The following PKHD1L1 variants were observed in gnomAD, a reference collection of about 807,000 sequenced individuals.
The protein encoded by PKHD1L1 is PKHD1 like 1.
Under a neutral mutation model 462.9 loss-of-function variants are expected in PKHD1L1, and 434 were observed. The observed-to-expected ratio is 0.94, with a 90% confidence interval of 0.87 to 1.02. PKHD1L1 has a LOEUF of 1.02. PKHD1L1 is among the 50% of genes least tolerant of loss of function. The pLI is 0.00. For synonymous variants in PKHD1L1, 1,781 were observed against 1,750.0 expected, an observed-to-expected ratio of 1.02 and a Z score of -0.44; for missense variants, 5,202 against 5,096.1, an observed-to-expected ratio of 1.02 and a Z score of -0.63.
At chr8:109,442,316 A>G (rs1166858728) in intron 35 of PKHD1L1, 121 bp downstream of exon 35, 3 of 983,668 alleles carry the variant, frequency 3.0e-6, no homozygotes, top group Non-Finnish European at 4.3e-6. Flanking sequence ...TGCGTAAGGT[A>G]TTTGGCATTT....
At chr8:109,443,539 A>AT in intron 36 of PKHD1L1, 137 bp from the exon 37 acceptor site, 1 of 685,438 alleles carries the variant, frequency 1.5e-6, no homozygotes, top group Non-Finnish European at 2.4e-6. Context: ...CCTAAGACCC[A>AT]TTTGTCATTT....
chr8:109,519,668 A>T (rs1423530778), intron 73 of PKHD1L1, among the ~76,000 whole-genome samples: 1 of 152,088 alleles, frequency 6.6e-6, no homozygotes, highest in Non-Finnish European at 1.5e-5. Flanking sequence ...TGAAGCTTAC[A>T]CTTCAAGCCC....
chr8:109,502,910 C>T (rs1190332327), intron 67 of PKHD1L1, among the ~76,000 whole-genome samples: 1 of 152,204 alleles, frequency 6.6e-6, no homozygotes, highest in African/African-American at 2.4e-5. Flanking sequence ...TCTTCCATAT[C>T]TCTTGTCAGT....
In PKHD1L1 at chr8:109,403,569, G is replaced by A. The variant is rs10110515; in HGVS notation, c.1374-985G>A. Among the ~76,000 whole-genome samples the A allele has an allele frequency of 6.3e-3, 952 of 152,146 alleles. 9 individuals are homozygous for A. The highest frequency in any genetic ancestry group is 0.022 in the African/African-American group (900 of 41,530). On this transcript the variant is annotated intron_variant, in intron 14 of 77. Transcript: ENST00000378402. The stretch of plus-strand genomic sequence containing the variant: ...CAAGTAAGGATGCAAAATTTTAATG[G>A]TTCTTCTTTGAATTCTGCTCTTTAA...
intron 53 of PKHD1L1, 119 bp from the exon 54 acceptor site, chr8:109,479,432 A>ATT (rs11438806): frequency 2.8e-4 from 188 of 665,478 alleles, no homozygotes; most frequent in South Asian, 5.3e-4. Context: ...CAAAGCGTGC[A>ATT]TTTTTTTTCT....
At chr8:109,394,522 T>A in intron 10 of PKHD1L1, 37 bp downstream of exon 10, 1 of 1,333,192 alleles carries the variant, frequency 7.5e-7, no homozygotes, top group Non-Finnish European at 1.0e-6. Flanking sequence ...GCGGGGGTGG[T>A]GGGAAGGCAG....
intron 21 of PKHD1L1, among the ~76,000 whole-genome samples, chr8:109,417,448 T>G (rs1332680265): frequency 6.6e-6 from 1 of 152,228 alleles, no homozygotes; most frequent in Non-Finnish European, 1.5e-5. Flanking sequence ...ACCCTAAATG[T>G]TGCAAGACCT....
intron 27 of PKHD1L1, among the ~76,000 whole-genome samples, chr8:109,432,813 G>A (rs2130702852): frequency 6.6e-6 from 1 of 152,228 alleles, no homozygotes; most frequent in South Asian, 2.1e-4. Flanking sequence ...TTTGTTATGA[G>A]AATAATTTGT....
intron 37 of PKHD1L1, among the ~76,000 whole-genome samples, chr8:109,444,122 C>CCG (rs1554578292): frequency 0.014 from 2,054 of 151,468 alleles, 53 homozygotes; most frequent in African/African-American, 0.047. Context: ...ACCTCCCCCC[C>CCG]CCAAAAAAAA....
chr8:109,405,435 T>G (rs1364344882), intron 16 of PKHD1L1, among the ~76,000 whole-genome samples: 1 of 152,056 alleles, frequency 6.6e-6, no homozygotes. Flanking sequence ...GAATTGTGAA[T>G]AGTCAACCCA....
intron 21 of PKHD1L1, 128 bp downstream of exon 21, chr8:109,413,673 C>A (rs370581337): frequency 3.4e-6 from 2 of 583,042 alleles, no homozygotes; most frequent in Middle Eastern, 2.8e-4. Flanking sequence ...ATAATGCACA[C>A]AATGGATGTA....
rs543001679 is a variant in PKHD1L1, at chr8:109,521,004, G to A, written c.12032-1182G>A. On this transcript the variant is annotated intron_variant, in intron 73 of 77. Transcript: ENST00000378402. ...TGTACTGCTACAGCTAGATATACAA[G>A]CCCTCAGACTTGGGAGGCCTCCCTG... 3.1e-4 allele frequency among the ~76,000 whole-genome samples: 47 copies of A among 152,282 alleles called. 1 individual carries two copies. The East Asian group carries it at 8.9e-3, about 29-fold the overall frequency.
intron 2 of PKHD1L1, among the ~76,000 whole-genome samples, chr8:109,371,743 C>G (rs1001716199): frequency 5.4e-4 from 82 of 150,824 alleles, no homozygotes; most frequent in African/African-American, 1.9e-3. Flanking sequence ...TTTCCCAGCA[C>G]CATTTATTAA....
At chr8:109,436,622 T>A (rs571832834) in intron 30 of PKHD1L1, among the ~76,000 whole-genome samples, 163 bp downstream of exon 30, 1 of 152,314 alleles carries the variant, frequency 6.6e-6, no homozygotes, top group South Asian at 2.1e-4. Context: ...ATCTTTCCAC[T>A]AAGATTCAAA....
rs557260323 is a variant in PKHD1L1 at position 109,444,829 on chromosome 8, C to G, written c.4960C>G (p.Arg1654Gly). ...INTLSNEFDR[R>G]FVLLPNIDLV... ...TACGTTGTCCAATGAATTTGATAGG[C>G]GATTTGTACTTTTGCCAAACATTGA... The change falls in exon 38 of 78, where the codon CGA (arginine) becomes GGA (glycine). Residue 1654 changes from arginine (R) to glycine (G), a missense_variant. Coordinates refer to ENST00000378402, the MANE Select transcript of PKHD1L1 (RefSeq NM_177531.6). The G allele has an allele frequency of 6.2e-7, 1 of 1,613,932 alleles. No individual in the cohort carries two copies. The highest frequency in any genetic ancestry group is 1.1e-5 in the South Asian group (1 of 91,082).
chr8:109,374,387 T>A (rs1040130835), intron 2 of PKHD1L1, among the ~76,000 whole-genome samples: 4 of 152,214 alleles, frequency 2.6e-5, no homozygotes, highest in African/African-American at 9.6e-5. Context: ...TTTGAGCCTA[T>A]GTGTGTCTCT....
At chr8:109,382,998 G>A (rs545404937) in intron 4 of PKHD1L1, among the ~76,000 whole-genome samples, 119 of 141,742 alleles carry the variant, frequency 8.4e-4, no homozygotes, top group African/African-American at 3.0e-3. Context: ...AGTATTAGCA[G>A]TAATACATTT....
chr8:109,457,262 G>A (rs1460763447), intron 46 of PKHD1L1, among the ~76,000 whole-genome samples: 1 of 152,008 alleles, frequency 6.6e-6, no homozygotes, highest in Non-Finnish European at 1.5e-5. Flanking sequence ...AAATAGACTT[G>A]CAGTTATTAG....
rs1017364894 is a variant in PKHD1L1, at chr8:109,532,018, T to C, written c.*1928T>C. ...CAATTCCAGCATCTATGGAACAAAT[T>C]CCTACATTTGGGTTCTGGAAGAGAT... On this transcript the variant is annotated 3_prime_UTR_variant, in exon 78 of 78. Transcript: ENST00000378402. 6.6e-6 allele frequency among the ~76,000 whole-genome samples: 1 copy of C among 152,200 alleles called. No homozygotes were observed. Among genetic ancestry groups the C allele is most frequent in the African/African-American group, 2.4e-5 (1 of 41,454 alleles).
Sources: allele counts gnomAD v4.1 joint callset (sites outside exome capture counted in the v4.1 genomes callset), GRCh38; gene constraint gnomAD v4.1.1; transcripts MANE v1.5; gene names NCBI Gene and HGNC (gene_info 2026-07-23, HGNC 2026-07-21).